MLLT6: variants seen among roughly 807,000 people sequenced by gnomAD.
The protein encoded by MLLT6 is protein AF-17.
Under a neutral mutation model 103.0 loss-of-function variants are expected in MLLT6, and 22 were observed. That is an observed-to-expected ratio of 0.21 (90% CI 0.15 to 0.31). The LOEUF is 0.31. Among genes scored for constraint, MLLT6 ranks in the 10% least tolerant of loss-of-function variants. The probability of loss-of-function intolerance (pLI) is 1.00; values close to 1 mark genes in which losing one functional copy is unlikely to be tolerated. For missense variants in MLLT6, 1,199 were observed against 1,441.7 expected (o/e 0.83, Z 2.73); for synonymous variants, 606 against 623.5 (o/e 0.97, Z 0.42).
At chr17:38,713,065 C>G (rs757642877) in intron 8 of MLLT6, 1 of 771,008 alleles carries the variant, frequency 1.3e-6, no homozygotes, top group East Asian at 2.4e-5. Context: ...GGGCTCTTGT[C>G]TGCAGAGAGT....
chr17:38,723,280 G>A (rs754511227), intron 18 of MLLT6, among the ~76,000 whole-genome samples: 9 of 152,146 alleles, frequency 5.9e-5, no homozygotes, highest in Admixed American at 4.6e-4. Flanking sequence ...CAGGCAGATC[G>A]CTTGAGCTCA....
rs745965451 is a variant in MLLT6, at chr17:38,716,723, G to A, written c.1393G>A (p.Glu465Lys). 6.8e-6 allele frequency: 11 copies of A among 1,610,442 alleles called. No homozygotes were observed. In the African/African-American group the frequency reaches 1.2e-4, roughly 18 times the overall value. The change falls in exon 10 of 20, where the codon GAG becomes AAG. Residue 465 changes from glutamate to lysine, a missense_variant. By Grantham distance (56) the Glu-to-Lys change is moderately conservative (BLOSUM62 1). Coordinates refer to ENST00000621332, the MANE Select transcript of MLLT6 (RefSeq NM_005937.4). This position sits in a 1 kb window ranked among gnomAD's most constrained non-coding sequence, Gnocchi z 5.6. ...TGAGACCCCTGAGACAGGCCTGAAG[G>A]AGAAGAAGCACAAAGCCAGCAAGAG... is the stretch of plus-strand genomic sequence containing the variant. ...ADETPETGLK[E>K]KKHKASKRSR...
chr17:38,711,224 G>A (rs1199845487), intron 6 of MLLT6, among the ~76,000 whole-genome samples: 6 of 152,158 alleles, frequency 3.9e-5, no homozygotes, highest in African/African-American at 1.4e-4. Flanking sequence ...TGAAGGGGAT[G>A]GGGGAGGCAG....
At chr17:38,707,633 C>G in intron 3 of MLLT6, 93 bp downstream of exon 3, 1 of 1,402,406 alleles carries the variant, frequency 7.1e-7, no homozygotes, top group Non-Finnish European at 1.0e-6. Flanking sequence ...GGCCGGGTTT[C>G]CTTTCCCTGG....
At chr17:38,723,065 A>C (rs1299404241) in intron 18 of MLLT6, among the ~76,000 whole-genome samples, 1 of 152,204 alleles carries the variant, frequency 6.6e-6, no homozygotes, top group Non-Finnish European at 1.5e-5. Flanking sequence ...TTTCAGTCCC[A>C]GCCCCAAAGG....
In MLLT6 at chr17:38,716,046, C is replaced by T. The variant is rs546141378; in HGVS notation, c.1036+218C>T. The T allele has an allele frequency of 1.5e-5, 9 of 611,528 alleles. No homozygotes were observed. The African/African-American group carries it at 1.7e-4, about 11-fold the overall frequency. 37.9% of individuals were successfully genotyped at this position (611,528 alleles called of 1,614,324 possible). ...CCTTCAGGGGCCACCCCACCAACCT[C>T]ATAACAGTATTCCTTATCCCCTACA... is the stretch of plus-strand genomic sequence containing the variant. On this transcript the variant is annotated intron_variant, in intron 9 of 19. Coordinates refer to ENST00000621332, the MANE Select transcript of MLLT6 (RefSeq NM_005937.4). The surrounding 1 kb of genome is among the most constrained non-coding windows in gnomAD (Gnocchi z 5.6).
At chr17:38,719,488 C>A in intron 12 of MLLT6, 29 bp from the exon 13 acceptor site, 1 of 1,583,834 alleles carries the variant, frequency 6.3e-7, no homozygotes, top group South Asian at 1.2e-5. Flanking sequence ...CACTCCTCCA[C>A]GCTGATCCCA....
rs567365056 is a variant in MLLT6, at chr17:38,725,523, T to A, written c.3241-34T>A. Reference sequence around the variant, plus strand: ...ATCTGGGGGTTAGGACCTGACACTTTCCACACCCCCGGCCTCCCTCCCTCT... The same window carrying A: ...ATCTGGGGGTTAGGACCTGACACTTACCACACCCCCGGCCTCCCTCCCTCT... On this transcript the variant is annotated intron_variant, in intron 19 of 19. Coordinates refer to ENST00000621332, the MANE Select transcript of MLLT6 (RefSeq NM_005937.4). 26 of 1,604,346 alleles carry A rather than the reference T, an allele frequency of 1.6e-5. No individual in the cohort carries two copies. The South Asian group carries it at 2.8e-4, about 17-fold the overall frequency.
Position 38,722,087 on chromosome 17 carries a change from G to A in MLLT6, c.2652G>A (p.Leu884=). ...GGGCCATGCCCATGGCTGAGGGGCT[G>A]TTGGGGGGGCTGGCAGGCAGTGGGG... ...GLGAMPMAEG[L]LGGLAGSGGL... The change falls in exon 17 of 20, where the codon CTG becomes CTA. Residue 884 remains leucine, a synonymous_variant. Transcript: ENST00000621332. 7.3e-7 allele frequency: 1 copy of A among 1,374,200 alleles called. No homozygotes were observed. Among genetic ancestry groups the A allele is most frequent in the Non-Finnish European group, 9.4e-7 (1 of 1,068,350 alleles). The allele number at this position is 1,374,200 out of a possible 1,614,324, so 85.1% of individuals were successfully genotyped here. A position where few individuals can be genotyped will look rare whatever the true frequency, so the allele number is the denominator to read the frequency against.
chr17:38,724,745 G>A lies in MLLT6; in HGVS notation c.3009G>A (p.Pro1003=), dbSNP rs755767631. ...GCCTGCTGGCAGGAAGCTCCACCCC[G>A]CTGCTGTCTGCGGGTACCCCTGGCC... ...MASLLAGSST[P]LLSAGTPGLL... Residue 1003 remains proline, a synonymous_variant, in exon 19 of 20, where the codon CCG becomes CCA. Coordinates refer to ENST00000621332, the MANE Select transcript of MLLT6 (RefSeq NM_005937.4). The surrounding 1 kb of genome is among the most constrained non-coding windows in gnomAD (Gnocchi z 5.4). The A allele has an allele frequency of 2.5e-6, 4 of 1,609,848 alleles. No homozygotes were observed. Among genetic ancestry groups the A allele is most frequent in the South Asian group, 1.1e-5 (1 of 90,466 alleles).
At chr17:38,720,320 G>GCCCC in intron 14 of MLLT6, 52 bp from the exon 15 acceptor site, 4 of 735,420 alleles carry the variant, frequency 5.4e-6, no homozygotes, top group Non-Finnish European at 6.7e-6. Context: ...CGGTCCCCTG[G>GCCCC]CCCCGCCTCC....
Position 38,728,172 on chromosome 17 carries a change from TCTC to T in MLLT6, c.*2578_*2580del, listed in dbSNP as rs1335868770. 3.4e-5 allele frequency: 8 copies of T among 233,326 alleles called. No individual in the cohort carries two copies. The highest frequency in any genetic ancestry group is 1.1e-4 in the African/African-American group (5 of 45,450). The allele number at this position is 233,326 out of a possible 1,614,324, so 14.5% of individuals were successfully genotyped here. ...TGGGTATGAACGGGTGCAGCCCTCTTCTCCTCTTCCCCCCCACATCTCTCATGA... is the reference window on the plus strand; with the variant it reads ...TGGGTATGAACGGGTGCAGCCCTCTTCTCTTCCCCCCCACATCTCTCATGA... On this transcript the variant is annotated 3_prime_UTR_variant, in exon 20 of 20. Coordinates refer to ENST00000621332, the MANE Select transcript of MLLT6 (RefSeq NM_005937.4).
chr17:38,709,611 C>T lies in MLLT6; in HGVS notation c.552+36C>T. On this transcript the variant is annotated intron_variant, in intron 6 of 19. Transcript: ENST00000621332. This position sits in a 1 kb window ranked among gnomAD's most constrained non-coding sequence, Gnocchi z 4.3. Reference sequence around the variant, plus strand: ...GCGACCAGCGCATGAGCGGGTCAGTCAGCTGTGGTAAGATGGTTAGAGGGC... The same window carrying T: ...GCGACCAGCGCATGAGCGGGTCAGTTAGCTGTGGTAAGATGGTTAGAGGGC... 6.5e-7 allele frequency: 1 copy of T among 1,533,156 alleles called. No homozygotes were observed. The highest frequency in any genetic ancestry group is 9.0e-7 in the Non-Finnish European group (1 of 1,107,624). The allele number at this position is 1,533,156 out of a possible 1,614,324, so 95.0% of individuals were successfully genotyped here.
chr17:38,724,705 A>C lies in MLLT6; in HGVS notation c.2969A>C (p.Gln990Pro), dbSNP rs1905927933. Residue 990 changes from glutamine (Q) to proline (P), a missense_variant, in exon 19 of 20, where the codon CAG (glutamine) becomes CCG (proline). Coordinates refer to ENST00000621332, the MANE Select transcript of MLLT6 (RefSeq NM_005937.4). This position sits in a 1 kb window ranked among gnomAD's most constrained non-coding sequence, Gnocchi z 5.4. ...CGCCTGCAGATGGCTGGGGGCTCCCAGCTGCCCATGGCCAGCCTGCTGGCA... is the reference window on the plus strand; with the variant it reads ...CGCCTGCAGATGGCTGGGGGCTCCCCGCTGCCCATGGCCAGCCTGCTGGCA... ...LQRLQMAGGS[Q>P]LPMASLLAGS... 5 of 1,612,976 alleles carry C rather than the reference A, an allele frequency of 3.1e-6. No individual in the cohort carries two copies. The South Asian group carries it at 4.4e-5, about 14-fold the overall frequency.
chr17:38,711,020 G>A (rs1375864882), intron 6 of MLLT6, among the ~76,000 whole-genome samples: 2 of 152,298 alleles, frequency 1.3e-5, no homozygotes, highest in South Asian at 2.1e-4. Flanking sequence ...TGGATCAGGC[G>A]GGCCACGAAA....
Position 38,716,215 on chromosome 17 carries a change from C to G in MLLT6, c.1037-152C>G. The G allele has an allele frequency of 2.5e-6, 2 of 788,088 alleles. No individual in the cohort carries two copies. Among genetic ancestry groups the G allele is most frequent in the Non-Finnish European group, 4.0e-6 (2 of 504,936 alleles). The allele number at this position is 788,088 out of a possible 1,614,324, so 48.8% of individuals were successfully genotyped here. On this transcript the variant is annotated intron_variant, in intron 9 of 19. Coordinates refer to ENST00000621332, the MANE Select transcript of MLLT6 (RefSeq NM_005937.4). This position sits in a 1 kb window ranked among gnomAD's most constrained non-coding sequence, Gnocchi z 5.6. ...GGGAAAGCTGGAGGGGTCGGGGGTA[C>G]TCATCCCAGGACACAGACAGTGGCA...
At position 38,710,308 on chromosome 17, in the gene MLLT6, TCTGTGTCTGTGTTTGTGGAGAGAC is replaced by T. The variant is rs778022699; in HGVS notation, c.552+734_552+757del. ...AGGGGGAGGCTGGAAAGGGTGCTAC[TCTGTGTCTGTGTTTGTGGAGAGAC>T]GTGTGTCCCAGAAGCTGTGAGGTAT... On this transcript the variant is annotated intron_variant, in intron 6 of 19. Coordinates refer to ENST00000621332, the MANE Select transcript of MLLT6 (RefSeq NM_005937.4). 1.8e-4 allele frequency among the ~76,000 whole-genome samples: 28 copies of T among 152,270 alleles called. No individual in the cohort carries two copies. In the South Asian group the frequency reaches 2.1e-3, roughly 11 times the overall value.
At chr17:38,721,851 AC>A in intron 16 of MLLT6, 26 bp from the exon 17 acceptor site, 2 of 1,472,176 alleles carry the variant, frequency 1.4e-6, no homozygotes, top group Non-Finnish European at 1.8e-6. Context: ...TGGCCCTCTG[AC>A]CCCTCCCTTC....
In MLLT6 at chr17:38,729,100, C is replaced by T. The variant is rs1314467500; in HGVS notation, c.*3502C>T. 8 of 233,072 alleles carry T rather than the reference C, an allele frequency of 3.4e-5. No individual in the cohort carries two copies. The highest frequency in any genetic ancestry group is 5.1e-5 in the Non-Finnish European group (6 of 118,042). 14.4% of individuals were successfully genotyped at this position (233,072 alleles called of 1,614,324 possible). A position where few individuals can be genotyped will look rare whatever the true frequency, so the allele number is the denominator to read the frequency against. On this transcript the variant is annotated 3_prime_UTR_variant, in exon 20 of 20. Transcript: ENST00000621332. Reference sequence around the variant, plus strand: ...AGGAGCCCAAGCCAGGGGCCAGCTCCGAGAAAGGGTAACCTCCACGCTTCT... The same window carrying T: ...AGGAGCCCAAGCCAGGGGCCAGCTCTGAGAAAGGGTAACCTCCACGCTTCT...
Sources: gnomAD v4.1 joint callset for allele counts (sites outside exome capture counted in the v4.1 genomes callset) on GRCh38, gnomAD v4.1.1 for gene constraint, Gnocchi (gnomAD v3.1) non-coding constraint, MANE v1.5 for transcripts, NCBI Gene and HGNC (gene_info 2026-07-23, HGNC 2026-07-21) for gene names.